The following ADAMTS20 variants were observed in gnomAD, a reference collection of about 807,000 sequenced individuals.
ADAMTS20 encodes ADAM metallopeptidase with thrombospondin type 1 motif 20.
In ADAMTS20, 225 loss-of-function variants were observed where a neutral mutation model predicts 260.1. That is an observed-to-expected ratio of 0.87 (90% CI 0.78 to 0.97). The LOEUF (loss-of-function observed/expected upper bound fraction) is 0.97. Among genes scored for constraint, ADAMTS20 ranks in the 50% least tolerant of loss-of-function variants. The pLI is 0.00. For synonymous variants in ADAMTS20, 802 were observed against 769.5 expected (o/e 1.04, Z -0.70); for missense variants, 2,400 against 2,337.7 (o/e 1.03, Z -0.55).
At chr12:43,360,514 G>T (rs1939844726) in intron 37 of ADAMTS20, among the ~76,000 whole-genome samples, 1 of 151,938 alleles carries the variant, frequency 6.6e-6, no homozygotes, top group South Asian at 2.1e-4. Flanking sequence ...AAAGAGAGTA[G>T]GGGTAGCAAT....
chr12:43,476,769 C>G (rs1942360334), intron 7 of ADAMTS20, among the ~76,000 whole-genome samples: 1 of 143,440 alleles, frequency 7.0e-6, no homozygotes, highest in South Asian at 2.4e-4. Context: ...ACCGTATATT[C>G]TCACTCATAG....
At chr12:43,379,745 A>C (rs768548387) in intron 31 of ADAMTS20, among the ~76,000 whole-genome samples, 1 of 152,226 alleles carries the variant, frequency 6.6e-6, no homozygotes, top group Non-Finnish European at 1.5e-5. Flanking sequence ...ACTAAAAAAC[A>C]AACAACAACA....
chr12:43,459,982 A>G (rs1323266842), intron 11 of ADAMTS20, among the ~76,000 whole-genome samples: 1 of 152,240 alleles, frequency 6.6e-6, no homozygotes, highest in East Asian at 1.9e-4. Context: ...TACTACCAAA[A>G]GTGTTCAGCA....
intron 23 of ADAMTS20, 42 bp downstream of exon 23, chr12:43,430,310 G>A (rs777927670): frequency 3.4e-5 from 53 of 1,575,160 alleles, no homozygotes; most frequent in Non-Finnish European, 4.2e-5. Context: ...TAATCTTTCT[G>A]TCTCATAAAT....
In ADAMTS20 at chr12:43,454,107, A is replaced by T. The variant is rs1276786989; in HGVS notation, c.1615-55T>A. The T allele has an allele frequency of 8.9e-6, 14 of 1,568,582 alleles. No individual in the cohort carries two copies. In the Admixed American group the frequency reaches 2.7e-4, roughly 30 times the overall value. ...GATGTGTGTCTCTAATTAGAACATC[A>T]CAAAAATTATAATAGCAGCATAAAG... is the stretch of plus-strand genomic sequence containing the variant. On this transcript the variant is annotated intron_variant, in intron 11 of 38. Coordinates refer to ENST00000389420, the MANE Select transcript of ADAMTS20 (RefSeq NM_025003.5).
chr12:43,417,580 T>G (rs1941155110), intron 28 of ADAMTS20, among the ~76,000 whole-genome samples: 1 of 152,168 alleles, frequency 6.6e-6, no homozygotes. Context: ...GTAATTCCAA[T>G]ACTGACTCCA....
At chr12:43,505,135 A>ACTAAC (rs1157001343) in intron 3 of ADAMTS20, among the ~76,000 whole-genome samples, 2 of 152,184 alleles carry the variant, frequency 1.3e-5, no homozygotes, top group Non-Finnish European at 2.9e-5. Context: ...ATATAGAAAG[A>ACTAAC]CTAACTCAAA....
At chr12:43,454,518 T>G (rs2137357277) in intron 11 of ADAMTS20, among the ~76,000 whole-genome samples, 1 of 152,294 alleles carries the variant, frequency 6.6e-6, no homozygotes, top group South Asian at 2.1e-4. Context: ...TACAGAAGAA[T>G]CTACCCACAG....
chr12:43,519,753 T>C (rs1302083883), intron 3 of ADAMTS20, among the ~76,000 whole-genome samples: 6 of 152,180 alleles, frequency 3.9e-5, no homozygotes, highest in Admixed American at 3.3e-4. Context: ...TGCTACACAT[T>C]GATTCCTTCA....
intron 7 of ADAMTS20, among the ~76,000 whole-genome samples, chr12:43,480,311 G>A (rs1942422029): frequency 6.6e-6 from 1 of 152,146 alleles, no homozygotes. Context: ...GTAGAATCTA[G>A]CAGTGTGTGG....
chr12:43,439,280 G>T (rs967643487), intron 18 of ADAMTS20, among the ~76,000 whole-genome samples: 9 of 152,252 alleles, frequency 5.9e-5, no homozygotes, highest in Admixed American at 5.9e-4. Flanking sequence ...GTGTGGAGAT[G>T]AGTGGAAGAA....
At chr12:43,356,273 T>C (rs1196093430) in intron 38 of ADAMTS20, among the ~76,000 whole-genome samples, 2 of 152,250 alleles carry the variant, frequency 1.3e-5, no homozygotes, top group African/African-American at 4.8e-5. Context: ...TTCATAAATA[T>C]ACAAAACCTC....
intron 2 of ADAMTS20, among the ~76,000 whole-genome samples, chr12:43,543,783 CTT>C (rs759919177): frequency 6.6e-6 from 1 of 152,004 alleles, no homozygotes; most frequent in African/African-American, 2.4e-5. Context: ...ATTTTCCAGT[CTT>C]TTTTACATCT....
In ADAMTS20 at chr12:43,464,659, A is replaced by T. The variant is rs773471438; in HGVS notation, c.1441T>A (p.Ser481Thr). The change falls in exon 10 of 39, where the codon TCA becomes ACA. Residue 481 changes from serine (S) to threonine (T), a missense_variant. Coordinates refer to ENST00000389420, the MANE Select transcript of ADAMTS20 (RefSeq NM_025003.5). ...CACTGCTTGTTTCCATCATATCGTG[A>T]TCCAGGAAGTTCTGAAGGCAGATTA... The part of the protein sequence containing the change: ...IYNLPSELPG[S>T]RYDGNKQCEL... The T allele has an allele frequency of 1.2e-6, 2 of 1,613,490 alleles. No individual in the cohort carries two copies. Among genetic ancestry groups the T allele is most frequent in the Non-Finnish European group, 1.7e-6 (2 of 1,179,508 alleles).
chr12:43,438,690 T>C (rs1050692890), intron 18 of ADAMTS20, among the ~76,000 whole-genome samples: 3 of 152,172 alleles, frequency 2.0e-5, no homozygotes, highest in Admixed American at 6.5e-5. Context: ...GCTGCCCACT[T>C]TCTATGATAA....
At chr12:43,500,033 G>A (rs11182115) in intron 4 of ADAMTS20, among the ~76,000 whole-genome samples, 49,676 of 131,312 alleles carry the variant, frequency 0.38, 8,786 homozygotes, top group East Asian at 0.77. Flanking sequence ...TTTCCTTATT[G>A]CTTTTTTTTT....
intron 28 of ADAMTS20, among the ~76,000 whole-genome samples, chr12:43,420,987 T>C (rs1288893120): frequency 6.6e-6 from 1 of 151,360 alleles, no homozygotes; most frequent in African/African-American, 2.4e-5. Flanking sequence ...TTTGTATTTT[T>C]AGTAGAGACG....
At chr12:43,375,539 AT>A in intron 35 of ADAMTS20, 27 bp from the exon 36 acceptor site, 1 of 1,610,966 alleles carries the variant, frequency 6.2e-7, no homozygotes, top group Non-Finnish European at 8.5e-7. Context: ...ATATTTTAGT[AT>A]TAGATGCAGT....
At chr12:43,534,823 C>A (rs1943272126) in intron 2 of ADAMTS20, among the ~76,000 whole-genome samples, 1 of 152,152 alleles carries the variant, frequency 6.6e-6, no homozygotes, top group South Asian at 2.1e-4. Context: ...TGAAAAAACT[C>A]TAGAAGGATT....
Sources: gnomAD v4.1 joint callset for allele counts (sites outside exome capture counted in the v4.1 genomes callset) on GRCh38, gnomAD v4.1.1 for gene constraint, MANE v1.5 for transcripts, NCBI Gene and HGNC (gene_info 2026-07-23, HGNC 2026-07-21) for gene names.